DFFB: variants seen among roughly 807,000 people sequenced by gnomAD.
The protein encoded by DFFB is DNA fragmentation factor 40 kDa subunit.
Under a neutral mutation model 32.7 loss-of-function variants are expected in DFFB, and 29 were observed. The observed-to-expected ratio is 0.89, with a 90% CI of 0.66 to 1.21. The LOEUF is 1.21. Ranked by LOEUF, DFFB falls within the 50% of genes most tolerant of loss-of-function variation. The pLI, the probability that DFFB is intolerant of heterozygous loss-of-function variation, is 0.00. For synonymous variants in DFFB, 170 were observed against 177.1 expected, an observed-to-expected ratio of 0.96 and a Z score of 0.32; for missense variants, 398 against 440.6, an observed-to-expected ratio of 0.90 and a Z score of 0.87.
chr1:3,878,956 C>T (rs775487563), intron 6 of DFFB, among the ~76,000 whole-genome samples: 13 of 152,162 alleles, frequency 8.5e-5, no homozygotes, highest in East Asian at 1.9e-4. Context: ...TGAAAAGGTC[C>T]GTTCAACTTC....
At chr1:3,868,770 G>C (rs1317470883) in intron 4 of DFFB, among the ~76,000 whole-genome samples, 1 of 144,256 alleles carries the variant, frequency 6.9e-6, no homozygotes, top group Non-Finnish European at 1.5e-5. Context: ...GGGTGCTGTG[G>C]AGGCCCCTGC....
intron 6 of DFFB, among the ~76,000 whole-genome samples, chr1:3,877,072 C>T (rs1024445848): frequency 6.6e-6 from 1 of 152,166 alleles, no homozygotes; most frequent in African/African-American, 2.4e-5. Flanking sequence ...TTTCTTTTAA[C>T]ACCATAGCGG....
intron 6 of DFFB, 42 bp downstream of exon 6, chr1:3,872,614 G>A: frequency 1.0e-6 from 1 of 959,752 alleles, no homozygotes; most frequent in African/African-American, 2.8e-5. Context: ...AGTGCCTGCA[G>A]GGCCCTGTCC....
At chr1:3,862,480 A>G (rs1644895738) in intron 2 of DFFB, among the ~76,000 whole-genome samples, 1 of 152,244 alleles carries the variant, frequency 6.6e-6, no homozygotes, top group Non-Finnish European at 1.5e-5. Context: ...ACAAAGCCAC[A>G]GTAATCAAGA....
Position 3,869,725 on chromosome 1 carries a change from G to T in DFFB, c.631G>T (p.Ala211Ser), listed in dbSNP as rs1488398231. The change falls in exon 5 of 7, where the codon GCC becomes TCC. Residue 211 changes from alanine (A) to serine (S), a missense_variant. Transcript: ENST00000378209. The stretch of plus-strand genomic sequence containing the variant: ...CAATGGCAGCTACTTCGACAGAGGA[G>T]CCAAGGGCGGCAGCCGCCTCTGCAC... ...QYNGSYFDRG[A>S]KGGSRLCTPE... The T allele has an allele frequency of 3.1e-6, 5 of 1,611,010 alleles. No individual in the cohort carries two copies. The highest frequency in any genetic ancestry group is 4.2e-6 in the Non-Finnish European group (5 of 1,178,538).
At chr1:3,878,100 C>T (rs1645260672) in intron 6 of DFFB, among the ~76,000 whole-genome samples, 1 of 152,124 alleles carries the variant, frequency 6.6e-6, no homozygotes, top group African/African-American at 2.4e-5. Flanking sequence ...AGCTGTGTCC[C>T]CAGTGTGTGG....
In DFFB at chr1:3,884,555, G is replaced by C. The variant is rs1158581420; in HGVS notation, c.*814G>C. The stretch of plus-strand genomic sequence containing the variant: ...TTATACTCCGTAAAGAACATACAAG[G>C]ACATTCACTGCTGATTTTTTTTTTT... On this transcript the variant is annotated 3_prime_UTR_variant, in exon 7 of 7. Transcript: ENST00000378209. The C allele has an allele frequency of 1.3e-5, 2 of 152,102 alleles. No individual in the cohort carries two copies. The highest frequency in any genetic ancestry group is 4.8e-5 in the African/African-American group (2 of 41,398). 9.4% of individuals were successfully genotyped at this position (152,102 alleles called of 1,614,324 possible). A position where few individuals can be genotyped will look rare whatever the true frequency, so the allele number is the denominator to read the frequency against.
At chr1:3,879,488 G>T (rs1478249694) in intron 6 of DFFB, among the ~76,000 whole-genome samples, 2 of 152,166 alleles carry the variant, frequency 1.3e-5, no homozygotes, top group Non-Finnish European at 2.9e-5. Context: ...TGAGGGTGGG[G>T]CCCTAATCCA....
At chr1:3,858,574 G>T in intron 1 of DFFB, 144 bp from the exon 2 acceptor site, 1 of 1,006,320 alleles carries the variant, frequency 9.9e-7, no homozygotes. Flanking sequence ...CCTTGCCTGG[G>T]CGTTGGAGCG....
rs1035319586 is a variant in DFFB, at chr1:3,881,424, G to A, written c.783-2083G>A. ...CCTTAATGGCTATGGCAGGGGTCTC[G>A]GTCCCACCTCCCTGTCTTTCTAGGG... is the stretch of plus-strand genomic sequence containing the variant. On this transcript the variant is annotated intron_variant, in intron 6 of 6. Coordinates refer to ENST00000378209, the MANE Select transcript of DFFB (RefSeq NM_004402.4). 3.3e-5 allele frequency among the ~76,000 whole-genome samples: 5 copies of A among 152,198 alleles called. No individual in the cohort carries two copies. The East Asian group carries it at 5.8e-4, about 18-fold the overall frequency.
intron 5 of DFFB, among the ~76,000 whole-genome samples, chr1:3,870,220 G>A (rs1485715950): frequency 6.6e-6 from 1 of 152,238 alleles, no homozygotes; most frequent in East Asian, 1.9e-4. Context: ...TGATGCATCT[G>A]TGTCTCTGGC....
Position 3,865,960 on chromosome 1 carries a change from C to T in DFFB, c.390C>T (p.Ile130=), listed in dbSNP as rs367884441. ...ADLLHNVSQN[I]AAETRAEDPP... is the part of the protein sequence containing the mutation. ...TCCTGCACAACGTCAGCCAGAACATCGCGGCCGAGACCCGGGCTGAGGACC... is the reference window on the plus strand; with the variant it reads ...TCCTGCACAACGTCAGCCAGAACATTGCGGCCGAGACCCGGGCTGAGGACC... The change falls in exon 3 of 7, where the codon ATC becomes ATT. Residue 130 remains isoleucine, a synonymous_variant. Transcript: ENST00000378209. The surrounding 1 kb of genome is among the most constrained non-coding windows in gnomAD (Gnocchi z 4.7). The T allele has an allele frequency of 4.2e-4, 667 of 1,590,320 alleles. 1 individual carries two copies. Among genetic ancestry groups the T allele is most frequent in the Non-Finnish European group, 5.0e-4 (583 of 1,165,374 alleles).
At chr1:3,864,374 G>A (rs1484358500) in intron 2 of DFFB, among the ~76,000 whole-genome samples, 3 of 152,268 alleles carry the variant, frequency 2.0e-5, no homozygotes, top group East Asian at 1.9e-4. Flanking sequence ...TAGAGTGGCC[G>A]TCTTACCTTT....
chr1:3,876,676 T>C (rs6670589), intron 6 of DFFB, among the ~76,000 whole-genome samples: 23,584 of 152,170 alleles, frequency 0.15, 1,864 homozygotes, highest in South Asian at 0.17. Context: ...GCTGGGAAGG[T>C]TCGAGAAGAA....
chr1:3,860,967 C>A (rs1644868086), intron 2 of DFFB, among the ~76,000 whole-genome samples: 1 of 152,096 alleles, frequency 6.6e-6, no homozygotes, highest in African/African-American at 2.4e-5. Context: ...CCAGCCTGGG[C>A]AACATGGTGA....
Position 3,869,743 on chromosome 1 carries a change from C to A in DFFB, c.649C>A (p.Leu217Ile), listed in dbSNP as rs1182879871. 1.1e-5 allele frequency: 17 copies of A among 1,609,996 alleles called. No individual in the cohort carries two copies. The highest frequency in any genetic ancestry group is 1.4e-5 in the Non-Finnish European group (17 of 1,177,224). The change falls in exon 5 of 7, where the codon CTC becomes ATC. Residue 217 changes from leucine (L) to isoleucine (I), a missense_variant. Leu to Ile is a conservative substitution (Grantham distance 5, BLOSUM62 2). Coordinates refer to ENST00000378209, the MANE Select transcript of DFFB (RefSeq NM_004402.4). Reference protein sequence around the residue: ...FDRGAKGGSRLCTPEGWFSCQ... With the variant: ...FDRGAKGGSRICTPEGWFSCQ... ...CAGAGGAGCCAAGGGCGGCAGCCGC[C>A]TCTGCACACCGGAAGGCTGGTTCTC...
chr1:3,878,654 T>C (rs1246444951), intron 6 of DFFB, among the ~76,000 whole-genome samples: 1 of 152,206 alleles, frequency 6.6e-6, no homozygotes, highest in Non-Finnish European at 1.5e-5. Flanking sequence ...GTGTCCCTAA[T>C]GTTAGTGATA....
At chr1:3,876,916 G>A (rs1181910936) in intron 6 of DFFB, among the ~76,000 whole-genome samples, 1 of 152,360 alleles carries the variant, frequency 6.6e-6, no homozygotes, top group East Asian at 1.9e-4. Flanking sequence ...GCGGTTCAGG[G>A]GCCCCTGGGC....
At chr1:3,866,458 G>C (rs1050191590) in intron 3 of DFFB, 3 of 210,776 alleles carry the variant, frequency 1.4e-5, no homozygotes, top group African/African-American at 7.2e-5. Context: ...GTTTCGCCAT[G>C]TTGGCCAGGC....
Sources: allele counts gnomAD v4.1 joint callset (sites outside exome capture counted in the v4.1 genomes callset), GRCh38; gene constraint gnomAD v4.1.1; non-coding constraint Gnocchi (gnomAD v3.1); transcripts MANE v1.5; gene names NCBI Gene and HGNC (gene_info 2026-07-23, HGNC 2026-07-21).